PTPRK: variants seen among roughly 807,000 people sequenced by gnomAD.
PTPRK encodes receptor-type tyrosine-protein phosphatase kappa.
PTPRK carries 75 observed loss-of-function variants against 178.0 expected under a neutral mutation model. The ratio of observed to expected loss-of-function variants is 0.42; its 90% CI spans 0.35 to 0.51. PTPRK has a LOEUF of 0.51. Among genes scored for constraint, PTPRK ranks in the 20% least tolerant of loss-of-function variants. The pLI is 0.02. For synonymous variants in PTPRK, 637 were observed against 620.6 expected, an observed-to-expected ratio of 1.03 and a Z score of -0.39; for missense variants, 1,441 against 1,797.8, an observed-to-expected ratio of 0.80 and a Z score of 3.59.
chr6:128,013,995 T>G (rs1409080563), intron 13 of PTPRK, among the ~76,000 whole-genome samples: 1 of 151,540 alleles, frequency 6.6e-6, no homozygotes, highest in East Asian at 1.9e-4. Context: ...GCAAAAACCA[T>G]ATTTATTTTG....
intron 2 of PTPRK, among the ~76,000 whole-genome samples, chr6:128,376,371 C>T (rs1837073422): frequency 6.6e-6 from 1 of 152,176 alleles, no homozygotes. Context: ...GGTTTCCACC[C>T]TGTAAGGCAA....
intron 2 of PTPRK, among the ~76,000 whole-genome samples, chr6:128,380,717 G>A (rs1207197466): frequency 1.3e-5 from 2 of 152,084 alleles, no homozygotes; most frequent in African/African-American, 4.8e-5. Context: ...CCTACAAAGA[G>A]CAGAGAGAAT....
chr6:128,200,126 A>T (rs1434206966), intron 6 of PTPRK, among the ~76,000 whole-genome samples: 1 of 152,202 alleles, frequency 6.6e-6, no homozygotes, highest in Non-Finnish European at 1.5e-5. Flanking sequence ...TTCCCAGAGC[A>T]TCTCTCTATT....
intron 7 of PTPRK, among the ~76,000 whole-genome samples, chr6:128,110,669 A>G (rs1790505441): frequency 6.6e-6 from 1 of 152,192 alleles, no homozygotes; most frequent in Admixed American, 6.5e-5. Context: ...AGAAGAGCCA[A>G]GAGTCAAGCA....
At chr6:128,279,261 G>C (rs1251307151) in intron 3 of PTPRK, among the ~76,000 whole-genome samples, 1 of 151,106 alleles carries the variant, frequency 6.6e-6, no homozygotes, top group Non-Finnish European at 1.5e-5. Flanking sequence ...ATGTATGCCT[G>C]TTCTGTGAAT....
intron 3 of PTPRK, among the ~76,000 whole-genome samples, chr6:128,279,622 A>T (rs963388764): frequency 6.6e-6 from 1 of 152,080 alleles, no homozygotes; most frequent in African/African-American, 2.4e-5. Context: ...GGAAGAAAAC[A>T]CTCTTACCAA....
At chr6:128,284,967 G>A (rs1028529546) in intron 3 of PTPRK, among the ~76,000 whole-genome samples, 1 of 152,052 alleles carries the variant, frequency 6.6e-6, no homozygotes, top group Non-Finnish European at 1.5e-5. Flanking sequence ...CAAGTTATGG[G>A]CTAGCATTGT....
intron 1 of PTPRK, among the ~76,000 whole-genome samples, chr6:128,457,302 C>A (rs1340538851): frequency 6.6e-6 from 1 of 152,036 alleles, no homozygotes; most frequent in East Asian, 1.9e-4. Context: ...TTCTTTTATT[C>A]ACTTGATTAT....
intron 3 of PTPRK, among the ~76,000 whole-genome samples, chr6:128,299,403 C>T (rs1324965917): frequency 4.6e-5 from 7 of 152,106 alleles, no homozygotes; most frequent in East Asian, 3.9e-4. Context: ...AAAAAGAGCC[C>T]GCACTGCCAA....
chr6:128,462,014 A>G (rs1180023256), intron 1 of PTPRK, among the ~76,000 whole-genome samples: 2 of 152,160 alleles, frequency 1.3e-5, no homozygotes, highest in Non-Finnish European at 2.9e-5. Context: ...GTTTTTTAAG[A>G]GACAGGGTCT....
At chr6:128,312,914 C>T (rs961477035) in intron 3 of PTPRK, among the ~76,000 whole-genome samples, 2 of 152,094 alleles carry the variant, frequency 1.3e-5, no homozygotes, top group African/African-American at 4.8e-5. Flanking sequence ...CTTGGATACA[C>T]AACCCATGAA....
At chr6:128,353,948 C>A (rs1833548226) in intron 2 of PTPRK, among the ~76,000 whole-genome samples, 1 of 151,984 alleles carries the variant, frequency 6.6e-6, no homozygotes, top group African/African-American at 2.4e-5. Flanking sequence ...ACAGTTAATG[C>A]AAAATGTAAA....
intron 7 of PTPRK, among the ~76,000 whole-genome samples, chr6:128,175,711 G>T (rs539395044): frequency 1.3e-4 from 19 of 151,750 alleles, no homozygotes; most frequent in African/African-American, 4.1e-4. Context: ...AAAATAATGA[G>T]TTTTTTTCTA....
chr6:127,977,721 A>T (rs1422538709), intron 25 of PTPRK, among the ~76,000 whole-genome samples: 1 of 152,230 alleles, frequency 6.6e-6, no homozygotes, highest in African/African-American at 2.4e-5. Flanking sequence ...GCACCAAAGC[A>T]TAACAGCAAT....
intron 4 of PTPRK, among the ~76,000 whole-genome samples, chr6:128,240,518 C>T (rs1291149185): frequency 6.6e-6 from 1 of 152,132 alleles, no homozygotes; most frequent in Non-Finnish European, 1.5e-5. Flanking sequence ...GACATGAAAT[C>T]AGAACCTAAT....
chr6:128,377,275 G>A (rs1449725212), intron 2 of PTPRK, among the ~76,000 whole-genome samples: 1 of 152,184 alleles, frequency 6.6e-6, no homozygotes, highest in African/African-American at 2.4e-5. Flanking sequence ...CACAATCATG[G>A]TGGAAGGCAA....
intron 5 of PTPRK, among the ~76,000 whole-genome samples, chr6:128,227,412 A>C (rs575685863): frequency 1.3e-5 from 2 of 152,226 alleles, no homozygotes; most frequent in Admixed American, 6.5e-5. Flanking sequence ...CAGACTGACT[A>C]ATAAGAGAGT....
At chr6:128,140,669 T>C (rs1795649969) in intron 7 of PTPRK, among the ~76,000 whole-genome samples, 1 of 151,940 alleles carries the variant, frequency 6.6e-6, no homozygotes, top group African/African-American at 2.4e-5. Context: ...GGATGTCCAT[T>C]TTACAGATAA....
Position 128,235,649 on chromosome 6 carries a change from T to C in PTPRK, c.693+4386A>G, listed in dbSNP as rs747394884. The C allele has an allele frequency of 6.2e-5, 29 of 467,642 alleles. No homozygotes were observed. The East Asian group carries it at 1.7e-3, about 28-fold the overall frequency. 29.0% of individuals were successfully genotyped at this position (467,642 alleles called of 1,614,324 possible). On this transcript the variant is annotated intron_variant, in intron 5 of 29. Coordinates refer to ENST00000368226, the MANE Select transcript of PTPRK (RefSeq NM_002844.4). Reference sequence around the variant, plus strand: ...AAATAAACCATTCATAGGTTTTAAATTGCACTCCACTCTGAGTAGCGTGAT... The same window carrying C: ...AAATAAACCATTCATAGGTTTTAAACTGCACTCCACTCTGAGTAGCGTGAT...
Sources: gnomAD v4.1 joint callset for allele counts (sites outside exome capture counted in the v4.1 genomes callset) on GRCh38, gnomAD v4.1.1 for gene constraint, MANE v1.5 for transcripts, NCBI Gene and HGNC (gene_info 2026-07-23, HGNC 2026-07-21) for gene names.